The following FRAS1 variants were observed in gnomAD, a reference collection of about 807,000 sequenced individuals.
FRAS1 encodes extracellular matrix organizing protein FRAS1.
In FRAS1, 290 loss-of-function variants were observed where a neutral mutation model predicts 435.2. The observed-to-expected ratio is 0.67, with a 90% CI of 0.61 to 0.73. FRAS1 has a LOEUF of 0.73. FRAS1 is among the 30% of genes least tolerant of loss of function. FRAS1 has a pLI of 0.00. For missense variants in FRAS1, 4,860 were observed against 5,001.5 expected, an observed-to-expected ratio of 0.97 and a Z score of 0.85; for synonymous variants, 1,800 against 1,851.0, an observed-to-expected ratio of 0.97 and a Z score of 0.71.
intron 20 of FRAS1, among the ~76,000 whole-genome samples, chr4:78,342,123 A>G (rs1730418938): frequency 6.6e-6 from 1 of 152,208 alleles, no homozygotes; most frequent in Non-Finnish European, 1.5e-5. Context: ...GTCCTTGGGA[A>G]GTCCTAGCTC....
At chr4:78,533,297 T>C (rs1455840244) in intron 70 of FRAS1, among the ~76,000 whole-genome samples, 2 of 152,254 alleles carry the variant, frequency 1.3e-5, no homozygotes, top group Non-Finnish European at 2.9e-5. Flanking sequence ...ACTAGAATGA[T>C]GTCTACTGTA....
intron 2 of FRAS1, among the ~76,000 whole-genome samples, chr4:78,114,985 T>C (rs190408526): frequency 0.01 from 1,546 of 152,252 alleles, 30 homozygotes; most frequent in African/African-American, 0.035. Context: ...ATGGCTCTTA[T>C]TATTTTGAGA....
At chr4:78,136,838 C>T (rs985838476) in intron 2 of FRAS1, among the ~76,000 whole-genome samples, 1 of 152,184 alleles carries the variant, frequency 6.6e-6, no homozygotes, top group Non-Finnish European at 1.5e-5. Flanking sequence ...ATAGCTCTTC[C>T]AGTGTGAGCT....
intron 1 of FRAS1, 37 bp downstream of exon 1, chr4:78,058,122 G>A (rs111997642): frequency 6.5e-7 from 1 of 1,533,366 alleles, no homozygotes; most frequent in East Asian, 2.2e-5. Flanking sequence ...GTGTGTGTGC[G>A]TGTGCGTGTG....
chr4:78,169,218 T>A (rs1270261354), intron 2 of FRAS1, among the ~76,000 whole-genome samples: 1 of 152,130 alleles, frequency 6.6e-6, no homozygotes, highest in East Asian at 1.9e-4. Context: ...TGAGGTCTGG[T>A]AGTAAATGGG....
intron 9 of FRAS1, among the ~76,000 whole-genome samples, chr4:78,275,964 G>A (rs919344630): frequency 2.6e-5 from 4 of 152,208 alleles, no homozygotes; most frequent in Non-Finnish European, 5.9e-5. Context: ...ATCAGACATA[G>A]ATTTGGTCTT....
chr4:78,260,218 A>AT (rs879831100), intron 6 of FRAS1, among the ~76,000 whole-genome samples: 65 of 151,596 alleles, frequency 4.3e-4, no homozygotes, highest in Non-Finnish European at 7.8e-4. Flanking sequence ...ACTTTAAAGT[A>AT]GTTTTTTCCA....
At chr4:78,303,389 G>A (rs549538044) in intron 14 of FRAS1, among the ~76,000 whole-genome samples, 189 of 152,254 alleles carry the variant, frequency 1.2e-3, no homozygotes, top group African/African-American at 4.3e-3. Context: ...TTCCAATTCT[G>A]TGAAGAAAGT....
chr4:78,076,514 A>G (rs1281203525), intron 2 of FRAS1, among the ~76,000 whole-genome samples: 1 of 152,190 alleles, frequency 6.6e-6, no homozygotes. Flanking sequence ...ATTATTTTGT[A>G]TATACTACCC....
intron 20 of FRAS1, among the ~76,000 whole-genome samples, chr4:78,346,424 C>T (rs1730606757): frequency 6.6e-6 from 1 of 152,164 alleles, no homozygotes; most frequent in African/African-American, 2.4e-5. Flanking sequence ...ACCCACTTAC[C>T]CAACGTGTCA....
rs187011600 is a variant in FRAS1, at chr4:78,466,231, C to G, written c.7053C>G (p.Ile2351Met). The G allele has an allele frequency of 6.2e-7, 1 of 1,613,818 alleles. No individual in the cohort carries two copies. The highest frequency in any genetic ancestry group is 8.5e-7 in the Non-Finnish European group (1 of 1,179,856). ...DTEAESVTFT[I>M]VQPPRHGTIE... The stretch of plus-strand genomic sequence containing the variant: ...AGGCCGAGTCTGTCACATTCACCAT[C>G]GTGCAGCCTCCACGCCATGGCACCA... Residue 2351 changes from isoleucine (I) to methionine (M), a missense_variant, in exon 50 of 74, where the codon ATC becomes ATG. Physicochemically the swap from Ile to Met is conservative, Grantham distance 10. Coordinates refer to ENST00000512123, the MANE Select transcript of FRAS1 (RefSeq NM_025074.7).
rs376479763 is a variant in FRAS1, at chr4:78,451,752, AT to A, written c.6464-12del. ...CAGAAAGCACTAATAGCAAATCTTGATTTTTTTTCCTTTTTATAGGCCACGT... is the reference window on the plus strand; with the variant it reads ...CAGAAAGCACTAATAGCAAATCTTGATTTTTTTCCTTTTTATAGGCCACGT... On this transcript the variant is annotated intron_variant, in intron 45 of 73. Transcript: ENST00000512123. The A allele has an allele frequency of 1.3e-5, 20 of 1,568,562 alleles. No homozygotes were observed. The highest frequency in any genetic ancestry group is 1.6e-5 in the Non-Finnish European group (19 of 1,159,818).
chr4:78,068,214 T>C (rs932531485), intron 2 of FRAS1, among the ~76,000 whole-genome samples: 2 of 152,110 alleles, frequency 1.3e-5, no homozygotes, highest in African/African-American at 4.8e-5. Context: ...GAATGTCAGA[T>C]AGGTGGGCTA....
At chr4:78,389,793 G>A (rs946675572) in intron 29 of FRAS1, among the ~76,000 whole-genome samples, 7 of 152,286 alleles carry the variant, frequency 4.6e-5, no homozygotes, top group East Asian at 3.9e-4. Context: ...GGCCCAAGAT[G>A]GAAGGACATT....
intron 2 of FRAS1, among the ~76,000 whole-genome samples, chr4:78,069,775 C>A (rs1050457579): frequency 1.7e-5 from 2 of 115,852 alleles, no homozygotes; most frequent in Non-Finnish European, 3.5e-5. Flanking sequence ...ACTCAACAAA[C>A]CCAGGAAATA....
intron 49 of FRAS1, 82 bp downstream of exon 49, chr4:78,464,665 C>T: frequency 2.0e-6 from 3 of 1,480,154 alleles, no homozygotes; most frequent in Non-Finnish European, 2.8e-6. Flanking sequence ...GCTGTGCATC[C>T]TGATGGTAGG....
At chr4:78,210,989 G>T (rs974990900) in intron 2 of FRAS1, among the ~76,000 whole-genome samples, 1 of 152,184 alleles carries the variant, frequency 6.6e-6, no homozygotes, top group Non-Finnish European at 1.5e-5. Context: ...CTCCTGGTGC[G>T]CGTATGGTGT....
intron 71 of FRAS1, among the ~76,000 whole-genome samples, chr4:78,535,511 T>A (rs1721852645): frequency 6.6e-6 from 1 of 152,194 alleles, no homozygotes; most frequent in African/African-American, 2.4e-5. Flanking sequence ...TCTGCTACCC[T>A]GCTGACTGCG....
intron 62 of FRAS1, among the ~76,000 whole-genome samples, chr4:78,507,964 C>CT (rs1214002733): frequency 6.6e-6 from 1 of 152,188 alleles, no homozygotes; most frequent in African/African-American, 2.4e-5. Context: ...AGACCAAATC[C>CT]TGTTGGTATC....
Sources: gnomAD v4.1 joint callset for allele counts (sites outside exome capture counted in the v4.1 genomes callset) on GRCh38, gnomAD v4.1.1 for gene constraint, MANE v1.5 for transcripts, NCBI Gene and HGNC (gene_info 2026-07-23, HGNC 2026-07-21) for gene names.